TPO: variants seen among roughly 807,000 people sequenced by gnomAD.
TPO encodes thyroid microsomal antigen.
In TPO, 78 loss-of-function variants were observed where a neutral mutation model predicts 96.9. The ratio of observed to expected loss-of-function variants is 0.81; its 90% CI spans 0.67 to 0.97. The LOEUF is 0.97. Among genes scored for constraint, TPO ranks in the 50% least tolerant of loss-of-function variants. The pLI is 0.00. For synonymous variants in TPO, 547 were observed against 538.0 expected, an observed-to-expected ratio of 1.02 and a Z score of -0.23; for missense variants, 1,252 against 1,274.8, an observed-to-expected ratio of 0.98 and a Z score of 0.27.
chr2:1,539,391 G>GC (rs776050051), intron 15 of TPO, among the ~76,000 whole-genome samples: 1 of 152,120 alleles, frequency 6.6e-6, no homozygotes. Flanking sequence ...CGACACCCCA[G>GC]CCCCCCTCGG....
At chr2:1,507,676 C>T (rs1673620200) in intron 14 of TPO, among the ~76,000 whole-genome samples, 1 of 151,516 alleles carries the variant, frequency 6.6e-6, no homozygotes, top group Admixed American at 6.6e-5. Context: ...CATGATTTGG[C>T]TCTCTGTTTG....
chr2:1,433,093 C>G (rs1051086948), intron 3 of TPO, among the ~76,000 whole-genome samples: 44 of 152,124 alleles, frequency 2.9e-4, no homozygotes, highest in Non-Finnish European at 1.5e-5. Flanking sequence ...GTTTCATTAG[C>G]TGGGATGTAA....
intron 1 of TPO, 163 bp from the exon 2 acceptor site, chr2:1,414,245 G>GA (rs1662647960): frequency 1.3e-5 from 9 of 689,322 alleles, no homozygotes; most frequent in Middle Eastern, 3.8e-4. Flanking sequence ...CATGGACGGC[G>GA]ACTCTGGTCT....
chr2:1,436,237 T>C lies in TPO; in HGVS notation c.350-15T>C. 1 of 1,614,188 alleles carries C rather than the reference T, an allele frequency of 6.2e-7. No homozygotes were observed. The highest frequency in any genetic ancestry group is 8.5e-7 in the Non-Finnish European group (1 of 1,180,038). On this transcript the variant is annotated splice_polypyrimidine_tract_variant and intron_variant, in intron 4 of 16. Coordinates refer to ENST00000329066, the MANE Select transcript of TPO (RefSeq NM_001206744.2). ...GGTTACAAGCACAGAATTCATGGTT[T>C]CCTATTTTTCACAGATGCTTTATCA...
intron 1 of TPO, among the ~76,000 whole-genome samples, chr2:1,375,841 A>G (rs536117821): frequency 3.9e-5 from 6 of 152,246 alleles, no homozygotes; most frequent in South Asian, 2.1e-4. Flanking sequence ...CCACCTCCTC[A>G]CTGCGAATCT....
chr2:1,521,133 A>G (rs891195686), intron 15 of TPO, among the ~76,000 whole-genome samples: 7 of 152,064 alleles, frequency 4.6e-5, no homozygotes, highest in African/African-American at 1.7e-4. Context: ...ATTCCTACCT[A>G]TGGTATGCAT....
chr2:1,446,973 G>A (rs894419321), intron 5 of TPO, among the ~76,000 whole-genome samples: 14 of 152,062 alleles, frequency 9.2e-5, no homozygotes, highest in Admixed American at 1.3e-4. Flanking sequence ...ATACGAGGTG[G>A]CAACCATGAG....
intron 5 of TPO, 94 bp from the exon 6 acceptor site, chr2:1,453,600 T>A: frequency 6.2e-7 from 1 of 1,601,992 alleles, no homozygotes; most frequent in Non-Finnish European, 8.5e-7. Context: ...AGACCCCACT[T>A]ATTCTCCCTG....
intron 13 of TPO, among the ~76,000 whole-genome samples, chr2:1,502,150 T>G (rs1342803266): frequency 6.6e-6 from 1 of 152,152 alleles, no homozygotes; most frequent in Non-Finnish European, 1.5e-5. Context: ...AAACACTCCC[T>G]ACCCCAGAGG....
rs539456749 is a variant in TPO at position 1,385,337 on chromosome 2, C to T, written n.180+10935C>T. 5.9e-5 allele frequency among the ~76,000 whole-genome samples: 9 copies of T among 152,266 alleles called. No individual in the cohort carries two copies. The South Asian group carries it at 1.7e-3, about 28-fold the overall frequency. On this transcript the variant is annotated intron_variant and non_coding_transcript_variant, in intron 1 of 5. Transcript: ENST00000497517. Reference sequence around the variant, plus strand: ...GAATTTGGCTGTGAATCTGTCCAGTCCTGGACTTTTTTTGGTTGGTAAGCT... The same window carrying T: ...GAATTTGGCTGTGAATCTGTCCAGTTCTGGACTTTTTTTGGTTGGTAAGCT...
chr2:1,397,364 A>G (rs1456607369), intron 1 of TPO, among the ~76,000 whole-genome samples: 2 of 152,226 alleles, frequency 1.3e-5, no homozygotes, highest in Non-Finnish European at 2.9e-5. Context: ...ACTGACTTCC[A>G]TAGGTATGTG....
rs1205214247 is a variant in TPO at position 1,506,643 on chromosome 2, A to G, written c.2518+2564A>G. On this transcript the variant is annotated intron_variant, in intron 14 of 16. Coordinates refer to ENST00000329066, the MANE Select transcript of TPO (RefSeq NM_001206744.2). ...ATTTCTCTGATGGCCAGTGATGGTG[A>G]GCATTTTTTCATGTGTTTTTTGGCT... 9.8e-5 allele frequency among the ~76,000 whole-genome samples: 15 copies of G among 152,290 alleles called. No homozygotes were observed. The East Asian group carries it at 2.5e-3, about 25-fold the overall frequency.
chr2:1,422,444 G>A (rs1010855568), intron 2 of TPO, among the ~76,000 whole-genome samples: 4 of 108,480 alleles, frequency 3.7e-5, no homozygotes, highest in African/African-American at 1.7e-4. Flanking sequence ...ACTTCTATTT[G>A]CTTTTAGGAG....
intron 15 of TPO, among the ~76,000 whole-genome samples, chr2:1,530,457 C>T (rs533121555): frequency 6.7e-6 from 1 of 148,430 alleles, no homozygotes; most frequent in East Asian, 2.0e-4. Context: ...TCCCGAAATC[C>T]CATCAACTGT....
chr2:1,503,753 G>A (rs902186793), intron 13 of TPO, 195 bp from the exon 14 acceptor site: 18 of 987,570 alleles, frequency 1.8e-5, no homozygotes, highest in East Asian at 1.1e-4. Flanking sequence ...CGTGGCCAGC[G>A]CACATCTGTC....
intron 15 of TPO, among the ~76,000 whole-genome samples, chr2:1,536,242 TCCC>T (rs1206849693): frequency 1.9e-4 from 2 of 10,412 alleles, no homozygotes; most frequent in African/African-American, 8.0e-4. Flanking sequence ...CCTCCCCAAA[TCCC>T]CCCAACTGTT....
At chr2:1,448,520 T>G (rs1667027296) in intron 5 of TPO, among the ~76,000 whole-genome samples, 1 of 152,152 alleles carries the variant, frequency 6.6e-6, no homozygotes, top group Non-Finnish European at 1.5e-5. Context: ...AGGCAGCACT[T>G]GTCAGGCTCC....
chr2:1,477,167 C>G lies in TPO; in HGVS notation c.901C>G (p.Gln301Glu). The change falls in exon 8 of 17, where the codon CAA becomes GAA. Residue 301 changes from glutamine to glutamate, a missense_variant. Gln to Glu is a conservative substitution (Grantham distance 29). Transcript: ENST00000329066. The part of the protein sequence containing the change: ...RSSAACGTGD[Q>E]GALFGNLSTA... ...TTCGGCCGCCTGCGGCACCGGGGAC[C>G]AAGGCGCGCTCTTTGGGAACCTGTC... The G allele has an allele frequency of 6.2e-7, 1 of 1,610,050 alleles. No individual in the cohort carries two copies. The highest frequency in any genetic ancestry group is 8.5e-7 in the Non-Finnish European group (1 of 1,179,038).
intron 1 of TPO, among the ~76,000 whole-genome samples, chr2:1,402,457 G>C (rs1662188047): frequency 6.6e-6 from 1 of 152,168 alleles, no homozygotes; most frequent in African/African-American, 2.4e-5. Context: ...GAGCCAAGGG[G>C]GGTGGGGGAT....
Sources: gnomAD v4.1 joint callset for allele counts (sites outside exome capture counted in the v4.1 genomes callset) on GRCh38, gnomAD v4.1.1 for gene constraint, MANE v1.5 for transcripts, NCBI Gene and HGNC (gene_info 2026-07-23, HGNC 2026-07-21) for gene names.